C8A: variants seen among roughly 807,000 people sequenced by gnomAD.
C8A encodes complement C8 alpha chain.
A neutral mutation model predicts 65.3 loss-of-function variants in C8A; 67 were observed. That is an observed-to-expected ratio of 1.03 (90% CI 0.84 to 1.26). The LOEUF (loss-of-function observed/expected upper bound fraction) is 1.26, where lower values mean the gene tolerates loss of function less well. Among genes scored for constraint, C8A ranks in the 50% most tolerant of loss-of-function variants. The pLI is 0.00. For missense variants in C8A, 781 were observed against 723.9 expected (o/e 1.08, Z -0.90); for synonymous variants, 290 against 259.4 (o/e 1.12, Z -1.13).
chr1:56,900,378 G>A (rs751647979), intron 7 of C8A, among the ~76,000 whole-genome samples: 4 of 152,160 alleles, frequency 2.6e-5, no homozygotes, highest in Non-Finnish European at 5.9e-5. Flanking sequence ...TGCCAGACAC[G>A]TTTTAGGAAT....
chr1:56,904,468 G>T (rs1307015988), intron 7 of C8A, among the ~76,000 whole-genome samples: 1 of 152,206 alleles, frequency 6.6e-6, no homozygotes, highest in Non-Finnish European at 1.5e-5. Flanking sequence ...TTCTCAAGGT[G>T]TCTACATTGC....
chr1:56,864,454 A>G (rs1644064704), intron 1 of C8A, among the ~76,000 whole-genome samples: 1 of 152,198 alleles, frequency 6.6e-6, no homozygotes. Flanking sequence ...GAGGTTCAAG[A>G]AAAAGTGCAG....
chr1:56,862,846 A>C (rs1170320330), intron 1 of C8A, among the ~76,000 whole-genome samples: 4 of 152,196 alleles, frequency 2.6e-5, no homozygotes, highest in Non-Finnish European at 5.9e-5. Flanking sequence ...TGGCTCCTTA[A>C]GTAATTAAAA....
chr1:56,881,463 G>A lies in C8A; in HGVS notation c.483G>A (p.Gln161=). The change falls in exon 5 of 11, where the codon CAG becomes CAA. Residue 161 remains glutamine (Q), a synonymous_variant. Transcript: ENST00000361249. The part of the protein sequence containing the change: ...KAALGYNILT[Q]EDAQSVYDAS... The stretch of plus-strand genomic sequence containing the variant: ...CATGTAGGTACAATATCCTGACCCA[G>A]GAAGATGCTCAGAGTGTGTACGATG... The A allele has an allele frequency of 6.2e-7, 1 of 1,613,646 alleles. No individual in the cohort carries two copies.
intron 9 of C8A, among the ~76,000 whole-genome samples, chr1:56,908,894 T>TTTTCTTCTAC (rs755855182): frequency 6.6e-6 from 1 of 152,194 alleles, no homozygotes; most frequent in Non-Finnish European, 1.5e-5. Flanking sequence ...CTAGGGGCAG[T>TTTTCTTCTAC]TTTCCTCCAC....
rs191380492 is a variant in C8A at position 56,874,864 on chromosome 1, T to C, written c.172-85T>C. The C allele has an allele frequency of 1.6e-5, 23 of 1,460,052 alleles. No homozygotes were observed. The Middle Eastern group carries it at 8.4e-4, about 53-fold the overall frequency. 90.4% of individuals were successfully genotyped at this position (1,460,052 alleles called of 1,614,324 possible). ...TCAATCATTAGATAATTATTTCTTA[T>C]GTTGAGCCGAAACCAGGCTGCACAA... is the stretch of plus-strand genomic sequence containing the variant. On this transcript the variant is annotated intron_variant, in intron 2 of 10. Coordinates refer to ENST00000361249, the MANE Select transcript of C8A (RefSeq NM_000562.3).
rs1644470008 is a variant in C8A at position 56,906,796 on chromosome 1, A to G, written c.1222+4A>G. ...AAATTTGGAGGTGGCAAAACTGGCA[A>G]GTGTTTAGTAATAGATCTCCCAAAA... On this transcript the variant is annotated splice_donor_region_variant and intron_variant, in intron 8 of 10. Transcript: ENST00000361249. 1.9e-6 allele frequency: 3 copies of G among 1,614,088 alleles called. No homozygotes were observed.
intron 7 of C8A, among the ~76,000 whole-genome samples, chr1:56,904,225 G>C (rs1030473028): frequency 1.1e-4 from 16 of 152,052 alleles, no homozygotes; most frequent in African/African-American, 3.9e-4. Context: ...GACTTCCTCT[G>C]ACCCGACCCC....
At chr1:56,876,255 C>T in intron 4 of C8A, 46 bp downstream of exon 4, 1 of 1,611,380 alleles carries the variant, frequency 6.2e-7, no homozygotes, top group South Asian at 1.1e-5. Context: ...AATGATTTGT[C>T]TTCAATCGTG....
intron 3 of C8A, 79 bp downstream of exon 3, chr1:56,875,172 A>AGGAGACAGGTGAGTAGC: frequency 6.7e-7 from 1 of 1,501,140 alleles, no homozygotes; most frequent in Non-Finnish European, 9.1e-7. Flanking sequence ...AGCTTATTAA[A>AGGAGACAGGTGAGTAGC]ATGCATACTC....
At chr1:56,894,670 C>T (rs1409130922) in intron 7 of C8A, among the ~76,000 whole-genome samples, 11 of 152,300 alleles carry the variant, frequency 7.2e-5, no homozygotes, top group Non-Finnish European at 1.6e-4. Context: ...ACATCCTCTT[C>T]CTCCTCCCTC....
At chr1:56,861,079 C>T (rs909456619) in intron 1 of C8A, among the ~76,000 whole-genome samples, 1 of 152,198 alleles carries the variant, frequency 6.6e-6, no homozygotes, top group Non-Finnish European at 1.5e-5. Context: ...ATGATGCCAG[C>T]ATCTGCTTGG....
At chr1:56,882,443 G>A (rs976242460) in intron 5 of C8A, among the ~76,000 whole-genome samples, 1 of 152,126 alleles carries the variant, frequency 6.6e-6, no homozygotes, top group African/African-American at 2.4e-5. Flanking sequence ...AAAGTGTCAG[G>A]ATCAAACTCT....
chr1:56,863,634 C>T (rs987090296), intron 1 of C8A, among the ~76,000 whole-genome samples: 7 of 152,152 alleles, frequency 4.6e-5, no homozygotes, highest in African/African-American at 1.4e-4. Context: ...CCTTCCAATT[C>T]GCCATGTTCC....
At chr1:56,912,298 G>C in intron 9 of C8A, 105 bp from the exon 10 acceptor site, 1 of 984,450 alleles carries the variant, frequency 1.0e-6, no homozygotes, top group Non-Finnish European at 1.6e-6. Context: ...CTGTGTCTGT[G>C]CCTGGCATGT....
chr1:56,889,927 G>A (rs934780412), intron 7 of C8A, among the ~76,000 whole-genome samples: 1 of 152,160 alleles, frequency 6.6e-6, no homozygotes. Context: ...CTCAAGGGCT[G>A]TGACTGACAG....
intron 6 of C8A, among the ~76,000 whole-genome samples, chr1:56,884,389 G>A (rs1392520973): frequency 1.3e-5 from 2 of 152,020 alleles, no homozygotes; most frequent in African/African-American, 4.8e-5. Flanking sequence ...AGGTGGCCAG[G>A]GGAATATTTA....
chr1:56,873,514 G>A lies in C8A; in HGVS notation c.172-1435G>A, dbSNP rs143706623. 9.1e-3 allele frequency among the ~76,000 whole-genome samples: 1,379 copies of A among 152,232 alleles called. 32 individuals are homozygous for A. The highest frequency in any genetic ancestry group is 0.051 in the Admixed American group (774 of 15,292). Reference sequence around the variant, plus strand: ...TGTCAACTGCAGGACACAGGTGAAAGGATATTAGTCACTATAATTAGGTAA... The same window carrying A: ...TGTCAACTGCAGGACACAGGTGAAAAGATATTAGTCACTATAATTAGGTAA... On this transcript the variant is annotated intron_variant, in intron 2 of 10. Transcript: ENST00000361249.
rs188938257 is a variant in C8A, at chr1:56,877,643, C to T, written c.464+1434C>T. On this transcript the variant is annotated intron_variant, in intron 4 of 10. Coordinates refer to ENST00000361249, the MANE Select transcript of C8A (RefSeq NM_000562.3). ...ACTCAGCTTTTTCATCTCCTCAGCC[C>T]CTGTGTCAGAGCTTGTCCTATAGCC... 2.7e-3 allele frequency among the ~76,000 whole-genome samples: 417 copies of T among 152,220 alleles called. 29 individuals carry two copies. In the South Asian group the frequency reaches 0.08, roughly 29 times the overall value.
Sources: allele counts gnomAD v4.1 joint callset (sites outside exome capture counted in the v4.1 genomes callset), GRCh38; gene constraint gnomAD v4.1.1; transcripts MANE v1.5; gene names NCBI Gene and HGNC (gene_info 2026-07-23, HGNC 2026-07-21).